Variants in NFATC2 observed in about 807,000 individuals in gnomAD.
NFATC2 encodes the protein nuclear factor of activated T cells 2, also known as nuclear factor of activated T-cells, cytoplasmic 2.
Under a neutral mutation model 87.3 loss-of-function variants are expected in NFATC2, and 22 were observed. The observed-to-expected ratio is 0.25, with a 90% confidence interval of 0.18 to 0.36. The LOEUF (loss-of-function observed/expected upper bound fraction) is 0.36. NFATC2 is among the 10% of genes least tolerant of loss of function. NFATC2 has a pLI of 1.00. For missense variants in NFATC2, 1,149 were observed against 1,259.1 expected (o/e 0.91, Z 1.32); for synonymous variants, 565 against 542.2 (o/e 1.04, Z -0.58).
At chr20:51,396,269 G>A (rs1352936937) in intron 10 of NFATC2, among the ~76,000 whole-genome samples, 1 of 151,932 alleles carries the variant, frequency 6.6e-6, no homozygotes, top group Non-Finnish European at 1.5e-5. Context: ...ACACCTGCAT[G>A]TACTTTCTCC....
intron 9 of NFATC2, among the ~76,000 whole-genome samples, chr20:51,413,480 G>A (rs967814159): frequency 7.9e-5 from 12 of 152,170 alleles, no homozygotes; most frequent in African/African-American, 2.9e-4. Context: ...CTAAAGAGGC[G>A]GGGTGTGGCA....
At chr20:51,428,236 C>A (rs939196344) in intron 9 of NFATC2, among the ~76,000 whole-genome samples, 9 of 152,038 alleles carry the variant, frequency 5.9e-5, no homozygotes, top group African/African-American at 2.2e-4. Flanking sequence ...CAATTTGGGG[C>A]CTTAGAACAA....
intron 5 of NFATC2, among the ~76,000 whole-genome samples, chr20:51,461,102 C>T (rs1469900702): frequency 2.6e-5 from 4 of 152,228 alleles, no homozygotes; most frequent in African/African-American, 9.6e-5. Flanking sequence ...GAAAGAGGAA[C>T]TGAAGCCAGC....
At chr20:51,560,450 A>G (rs766934191) in intron 1 of NFATC2, among the ~76,000 whole-genome samples, 5 of 152,182 alleles carry the variant, frequency 3.3e-5, no homozygotes, top group Non-Finnish European at 5.9e-5. Context: ...TCAGATCTTC[A>G]GTTTTTCACA....
intron 3 of NFATC2, among the ~76,000 whole-genome samples, chr20:51,507,941 G>C (rs1192402946): frequency 6.6e-6 from 1 of 152,252 alleles, no homozygotes; most frequent in Non-Finnish European, 1.5e-5. Context: ...ACATGGTGAA[G>C]TGTAGCTCCA....
intron 1 of NFATC2, among the ~76,000 whole-genome samples, chr20:51,556,616 C>T (rs1247433411): frequency 1.3e-5 from 2 of 152,160 alleles, no homozygotes; most frequent in Non-Finnish European, 1.5e-5. Context: ...GAGATGGAAA[C>T]TGGGCTGGGC....
At chr20:51,483,500 T>C (rs1453216846) in intron 3 of NFATC2, among the ~76,000 whole-genome samples, 1 of 151,814 alleles carries the variant, frequency 6.6e-6, no homozygotes, top group Non-Finnish European at 1.5e-5. Context: ...ATGCAGCACA[T>C]GGGGAGAAAA....
At chr20:51,520,472 C>T (rs1017616341) in intron 2 of NFATC2, among the ~76,000 whole-genome samples, 3 of 148,306 alleles carry the variant, frequency 2.0e-5, no homozygotes, top group Admixed American at 6.7e-5. Context: ...CCGTGTGGTA[C>T]GGGGGTGTGT....
Position 51,390,677 on chromosome 20 carries a change from G to GT in NFATC2, c.*818dup, listed in dbSNP as rs1442939043. On this transcript the variant is annotated 3_prime_UTR_variant, in exon 11 of 11. Transcript: ENST00000371564. ...GACAGCTCCAGGGCTAGGTGCCCTG[G>GT]TCAGCCTTTTAAAGCAGAAAAAATA... 1.9e-5 allele frequency: 3 copies of GT among 154,022 alleles called. No individual in the cohort carries two copies. Among genetic ancestry groups the GT allele is most frequent in the Admixed American group, 1.3e-4 (2 of 15,654 alleles). 9.5% of individuals were successfully genotyped at this position (154,022 alleles called of 1,614,324 possible).
At chr20:51,488,700 C>T (rs1269454957) in intron 3 of NFATC2, among the ~76,000 whole-genome samples, 2 of 152,180 alleles carry the variant, frequency 1.3e-5, no homozygotes, top group South Asian at 2.1e-4. Flanking sequence ...TTCACGTTCT[C>T]ATCAACCTCC....
chr20:51,454,526 AAG>A lies in NFATC2; in HGVS notation c.1849+20_1849+21del, dbSNP rs758074909. ...TTTGCATGATTCTGGGGGACAGAGAAAGAGCTCAAAAATCCACTGACCTGTGG... is the reference window on the plus strand; with the variant it reads ...TTTGCATGATTCTGGGGGACAGAGAAAGCTCAAAAATCCACTGACCTGTGG... On this transcript the variant is annotated intron_variant, in intron 6 of 10. Transcript: ENST00000371564. The A allele has an allele frequency of 6.2e-7, 1 of 1,613,112 alleles. No individual in the cohort carries two copies. The highest frequency in any genetic ancestry group is 8.5e-7 in the Non-Finnish European group (1 of 1,179,460).
chr20:51,484,360 C>T (rs762741219), intron 3 of NFATC2, among the ~76,000 whole-genome samples: 2 of 152,164 alleles, frequency 1.3e-5, no homozygotes, highest in African/African-American at 4.8e-5. Context: ...CTCCACACAC[C>T]CTGCCTTAAG....
At chr20:51,452,851 T>C (rs117048155) in intron 6 of NFATC2, 9 of 154,778 alleles carry the variant, frequency 5.8e-5, no homozygotes, top group Non-Finnish European at 1.0e-4. Context: ...CCTTTGTGGG[T>C]AGGCACTGTC....
At chr20:51,417,756 G>A (rs1004899358) in intron 9 of NFATC2, among the ~76,000 whole-genome samples, 1 of 152,206 alleles carries the variant, frequency 6.6e-6, no homozygotes, top group African/African-American at 2.4e-5. Flanking sequence ...CTACCACCAA[G>A]CCCAGCTCAC....
intron 3 of NFATC2, among the ~76,000 whole-genome samples, chr20:51,485,374 CAGCTTCT>C (rs1249250741): frequency 6.6e-6 from 1 of 152,224 alleles, no homozygotes; most frequent in East Asian, 1.9e-4. Context: ...TCTCAGCTTC[CAGCTTCT>C]GGTCCCCTGG....
chr20:51,469,178 A>G (rs1361103551), intron 5 of NFATC2, among the ~76,000 whole-genome samples: 1 of 152,156 alleles, frequency 6.6e-6, no homozygotes, highest in African/African-American at 2.4e-5. Context: ...ATGCACCAGC[A>G]TGCCTGGCTA....
intron 9 of NFATC2, among the ~76,000 whole-genome samples, chr20:51,408,855 G>A (rs1773750564): frequency 6.6e-6 from 1 of 152,196 alleles, no homozygotes. Flanking sequence ...AGCACAGACT[G>A]TGGGTCTCGC....
upstream of NFATC2, chr20:51,562,710 C>T (rs2077043231): frequency 8.7e-6 from 12 of 1,380,336 alleles, no homozygotes; most frequent in Non-Finnish European, 1.2e-5. The surrounding 1 kb of genome is among the most constrained non-coding windows in gnomAD (Gnocchi z 5.8). Flanking sequence ...ACGCCGTCTT[C>T]TCTACCGCGT....
Position 51,519,062 on chromosome 20 carries a change from T to C in NFATC2, c.1161-2107A>G, listed in dbSNP as rs58998389. ...TCTTAGGGTATCCAAAGTGCCTTTA[T>C]TTTACCTTAGTTACAGTGCCAACAT... On this transcript the variant is annotated intron_variant, in intron 2 of 10. Transcript: ENST00000371564. Among the ~76,000 whole-genome samples, 477 of 152,192 alleles carry C rather than the reference T, an allele frequency of 3.1e-3. 5 individuals are homozygous for C. Among genetic ancestry groups the C allele is most frequent in the African/African-American group, 0.011 (448 of 41,512 alleles).
Sources: allele counts gnomAD v4.1 joint callset (sites outside exome capture counted in the v4.1 genomes callset), GRCh38; gene constraint gnomAD v4.1.1; non-coding constraint Gnocchi (gnomAD v3.1); transcripts MANE v1.5; gene names NCBI Gene and HGNC (gene_info 2026-07-23, HGNC 2026-07-21).